The following NUP210 variants were observed in gnomAD, a reference collection of about 807,000 sequenced individuals.
The protein encoded by NUP210 is nuclear pore membrane glycoprotein 210.
A neutral mutation model predicts 196.0 loss-of-function variants in NUP210; 151 were observed. The observed-to-expected ratio is 0.77, with a 90% CI of 0.67 to 0.88. The LOEUF (loss-of-function observed/expected upper bound fraction) is 0.88, where lower values mean the gene tolerates loss of function less well. Ranked by LOEUF, NUP210 falls within the 40% of genes least tolerant of loss-of-function variation. The pLI is 0.00. For missense variants in NUP210, 2,314 were observed against 2,493.7 expected, an observed-to-expected ratio of 0.93 and a Z score of 1.53; for synonymous variants, 1,070 against 1,052.7, an observed-to-expected ratio of 1.02 and a Z score of -0.32.
At chr3:13,363,127 G>A (rs1559329325) in intron 14 of NUP210, among the ~76,000 whole-genome samples, 1 of 152,216 alleles carries the variant, frequency 6.6e-6, no homozygotes, top group Non-Finnish European at 1.5e-5. Context: ...GGGCTGGAAT[G>A]AAAGACCTGA....
chr3:13,361,553 C>T (rs1698371983), intron 14 of NUP210, among the ~76,000 whole-genome samples: 2 of 152,136 alleles, frequency 1.3e-5, no homozygotes, highest in Non-Finnish European at 2.9e-5. Flanking sequence ...AGGAGGGATT[C>T]ACTCTGAGGG....
intron 6 of NUP210, among the ~76,000 whole-genome samples, chr3:13,383,108 C>T (rs148186618): frequency 3.3e-5 from 5 of 152,262 alleles, no homozygotes; most frequent in African/African-American, 9.6e-5. Context: ...CATGATACTG[C>T]ACTCCCAACA....
intron 4 of NUP210, among the ~76,000 whole-genome samples, chr3:13,388,951 C>A (rs564254824): frequency 6.6e-6 from 1 of 152,230 alleles, no homozygotes; most frequent in Non-Finnish European, 1.5e-5. Flanking sequence ...GGGCACCAGA[C>A]GGCACCATGT....
chr3:13,377,569 C>T lies in NUP210; in HGVS notation c.1046-7G>A. On this transcript the variant is annotated splice_region_variant and splice_polypyrimidine_tract_variant and intron_variant, in intron 8 of 39. Coordinates refer to ENST00000254508, the MANE Select transcript of NUP210 (RefSeq NM_024923.4). ...CCAGGGTGAACAGTGAACCCTAAAACAGGCAGAGGGAGCCTGAGCACTCAG... is the reference window on the plus strand; with the variant it reads ...CCAGGGTGAACAGTGAACCCTAAAATAGGCAGAGGGAGCCTGAGCACTCAG... The T allele has an allele frequency of 6.2e-7, 1 of 1,611,060 alleles. No individual in the cohort carries two copies. The highest frequency in any genetic ancestry group is 8.5e-7 in the Non-Finnish European group (1 of 1,177,536).
chr3:13,346,661 C>T (rs958474058), intron 20 of NUP210, among the ~76,000 whole-genome samples: 7 of 152,220 alleles, frequency 4.6e-5, no homozygotes, highest in Admixed American at 2.0e-4. Context: ...TCTCGGTCCC[C>T]GCTTCCTGGA....
intron 14 of NUP210, among the ~76,000 whole-genome samples, chr3:13,365,199 T>C (rs1449317700): frequency 1.3e-5 from 2 of 152,228 alleles, no homozygotes; most frequent in Non-Finnish European, 2.9e-5. Context: ...AGTTCTTTTT[T>C]ATCCGTGTAT....
chr3:13,354,421 G>A lies in NUP210; in HGVS notation c.2329-314C>T, dbSNP rs182990538. On this transcript the variant is annotated intron_variant, in intron 16 of 39. Transcript: ENST00000254508. ...GGGGGTTGCCACTGGCATCTACTCG[G>A]GAGAGGTCCATGATGCTGCTAAACA... 5.4e-4 allele frequency: 198 copies of A among 365,868 alleles called. 1 individual carries two copies. Among genetic ancestry groups the A allele is most frequent in the African/African-American group, 3.8e-3 (182 of 48,118 alleles). 22.7% of individuals were successfully genotyped at this position (365,868 alleles called of 1,614,324 possible). A position where few individuals can be genotyped will look rare whatever the true frequency, so the allele number is the denominator to read the frequency against.
intron 1 of NUP210, among the ~76,000 whole-genome samples, chr3:13,415,052 ATGGTGAAACCC>A (rs1700300835): frequency 6.6e-6 from 1 of 152,164 alleles, no homozygotes; most frequent in Non-Finnish European, 1.5e-5. Flanking sequence ...CCTGGCCAAC[ATGGTGAAACCC>A]TGTCTCTACT....
intron 33 of NUP210, among the ~76,000 whole-genome samples, chr3:13,324,959 C>T (rs114293718): frequency 1.6e-4 from 25 of 152,310 alleles, no homozygotes; most frequent in African/African-American, 5.3e-4. Context: ...CGGGACATAG[C>T]GAGACTCAAT....
intron 14 of NUP210, among the ~76,000 whole-genome samples, chr3:13,363,274 G>A (rs1422974662): frequency 6.6e-6 from 1 of 152,152 alleles, no homozygotes; most frequent in Non-Finnish European, 1.5e-5. Context: ...AACCCAGCTG[G>A]TGGGCCCGGG....
In NUP210 at chr3:13,348,408, T is replaced by C; in HGVS notation, c.2835+3471A>G. On this transcript the variant is annotated intron_variant, in intron 20 of 39. Transcript: ENST00000254508. The surrounding 1 kb of genome is among the most constrained non-coding windows in gnomAD (Gnocchi z 4.0). ...CTCAGAGCTTGCACAGAATGACAGG[T>C]GCAAGGTAAATGTGAATGAGAGTGT... The C allele has an allele frequency of 1.0e-6, 1 of 985,404 alleles. No homozygotes were observed. Among genetic ancestry groups the C allele is most frequent in the South Asian group, 4.7e-5 (1 of 21,288 alleles). 61.0% of individuals were successfully genotyped at this position (985,404 alleles called of 1,614,324 possible).
chr3:13,403,113 C>T lies in NUP210; in HGVS notation c.168-3252G>A, dbSNP rs150719632. ...TTTTTAAGAAAATACGTGATTTACC[C>T]CAACATATCCTAAATATCATGCTTC... On this transcript the variant is annotated intron_variant, in intron 1 of 39. Coordinates refer to ENST00000254508, the MANE Select transcript of NUP210 (RefSeq NM_024923.4). 1.9e-3 allele frequency among the ~76,000 whole-genome samples: 282 copies of T among 152,312 alleles called. 3 individuals are homozygous for T. The highest frequency in any genetic ancestry group is 6.8e-3 in the Middle Eastern group (2 of 294).
intron 31 of NUP210, 57 bp downstream of exon 31, chr3:13,328,714 C>G: frequency 6.6e-7 from 1 of 1,505,154 alleles, no homozygotes; most frequent in Non-Finnish European, 9.2e-7. Flanking sequence ...CCCCAGTTGT[C>G]TCTACCAGGT....
chr3:13,335,422 C>A (rs372877572), intron 28 of NUP210, 32 bp downstream of exon 28: 12 of 1,599,976 alleles, frequency 7.5e-6, no homozygotes, highest in East Asian at 4.5e-5. Context: ...TTCCTCTCCC[C>A]CTTCCCTGTG....
In NUP210 at chr3:13,319,947, G is replaced by C. The variant is rs374239607; in HGVS notation, c.5199C>G (p.Phe1733Leu). 1.9e-6 allele frequency: 3 copies of C among 1,613,974 alleles called. No individual in the cohort carries two copies. In the Admixed American group the frequency reaches 5.0e-5, roughly 27 times the overall value. ...VKSGSPAVLA[F>L]AKEKSFGWPS... ...GCCACCCAAAAGACTTCTCCTTTGC[G>C]AATGCCAGCACGGCCGGGGACCCGG... The change falls in exon 37 of 40, where the codon TTC (phenylalanine) becomes TTG (leucine). Residue 1733 changes from phenylalanine to leucine, a missense_variant. Coordinates refer to ENST00000254508, the MANE Select transcript of NUP210 (RefSeq NM_024923.4).
chr3:13,399,850 C>T lies in NUP210; in HGVS notation c.179G>A (p.Arg60Gln), dbSNP rs1472190177. Reference protein sequence around the residue: ...SEGCYRWLSTRPEVASIEPLG... With the variant: ...SEGCYRWLSTQPEVASIEPLG... The stretch of plus-strand genomic sequence containing the variant: ...CGGCTCGATGCTGGCCACCTCCGGC[C>T]GGGTGGACAACCTGCAGTGGAAGAA... Residue 60 changes from arginine (R) to glutamine (Q), a missense_variant, in exon 2 of 40, where the codon CGG becomes CAG. Transcript: ENST00000254508. 1.4e-5 allele frequency: 22 copies of T among 1,607,686 alleles called. No homozygotes were observed. The highest frequency in any genetic ancestry group is 2.2e-5 in the East Asian group (1 of 44,844).
At chr3:13,397,957 G>T (rs375769479) in intron 2 of NUP210, among the ~76,000 whole-genome samples, 4 of 152,160 alleles carry the variant, frequency 2.6e-5, no homozygotes, top group African/African-American at 9.7e-5. Flanking sequence ...CACACCCAGA[G>T]ATTTTTTTAC....
intron 4 of NUP210, among the ~76,000 whole-genome samples, chr3:13,389,455 G>C (rs4684935): frequency 0.58 from 87,771 of 152,066 alleles, 26,527 homozygotes; most frequent in African/African-American, 0.76. Context: ...CAGGGCAGGA[G>C]GCTGAGGCTC....
chr3:13,367,617 C>G (rs536555672), intron 13 of NUP210, among the ~76,000 whole-genome samples: 2 of 152,098 alleles, frequency 1.3e-5, no homozygotes, highest in South Asian at 4.1e-4. Flanking sequence ...GCCCCCCTGG[C>G]GCCTACCAGC....
Sources: allele counts gnomAD v4.1 joint callset (sites outside exome capture counted in the v4.1 genomes callset), GRCh38; gene constraint gnomAD v4.1.1; non-coding constraint Gnocchi (gnomAD v3.1); transcripts MANE v1.5; gene names NCBI Gene and HGNC (gene_info 2026-07-23, HGNC 2026-07-21).